The following MAGI2 variants were observed in gnomAD, a reference collection of about 807,000 sequenced individuals.
The protein encoded by MAGI2 is membrane-associated guanylate kinase, WW and PDZ domain-containing protein 2.
Under a neutral mutation model 133.3 loss-of-function variants are expected in MAGI2, and 35 were observed. The ratio of observed to expected loss-of-function variants is 0.26; its 90% CI spans 0.20 to 0.35. The LOEUF is 0.35. Among genes scored for constraint, MAGI2 ranks in the 10% least tolerant of loss-of-function variants. The pLI is 1.00. For missense variants in MAGI2, 1,636 were observed against 1,863.4 expected (o/e 0.88, Z 2.25); for synonymous variants, 729 against 710.6 (o/e 1.03, Z -0.41).
chr7:78,022,039 AGG>A (rs1808447306), intron 21 of MAGI2, among the ~76,000 whole-genome samples: 1 of 152,210 alleles, frequency 6.6e-6, no homozygotes, highest in Non-Finnish European at 1.5e-5. Flanking sequence ...AGTCATTTCC[AGG>A]TGCTGTGATT....
intron 4 of MAGI2, among the ~76,000 whole-genome samples, chr7:78,520,864 T>C (rs1796435879): frequency 2.0e-5 from 3 of 152,172 alleles, no homozygotes; most frequent in Admixed American, 1.3e-4. Flanking sequence ...TGTATAAAGA[T>C]ACATTCTTCA....
At chr7:78,673,022 G>T (rs919757864) in intron 2 of MAGI2, among the ~76,000 whole-genome samples, 1 of 152,154 alleles carries the variant, frequency 6.6e-6, no homozygotes, top group Non-Finnish European at 1.5e-5. Context: ...AACATCTATT[G>T]TCAATACTCA....
At chr7:78,422,398 G>A (rs1025658109) in intron 6 of MAGI2, among the ~76,000 whole-genome samples, 3 of 152,058 alleles carry the variant, frequency 2.0e-5, no homozygotes, top group Non-Finnish European at 4.4e-5. Flanking sequence ...AAAGGCAATA[G>A]ACCTGATGTT....
At chr7:78,803,070 G>A (rs37877) in intron 2 of MAGI2, among the ~76,000 whole-genome samples, 122,168 of 151,902 alleles carry the variant, frequency 0.8, 50,430 homozygotes, top group East Asian at 0.96. Context: ...ACACATGCAC[G>A]TATTTGCATA....
intron 2 of MAGI2, among the ~76,000 whole-genome samples, chr7:78,900,314 C>G (rs143751412): frequency 6.6e-6 from 1 of 152,116 alleles, no homozygotes; most frequent in African/African-American, 2.4e-5. Flanking sequence ...TTCTTACTCT[C>G]GAAACTCTCC....
At chr7:78,021,890 A>G (rs1808431463) in intron 21 of MAGI2, among the ~76,000 whole-genome samples, 2 of 152,342 alleles carry the variant, frequency 1.3e-5, no homozygotes, top group South Asian at 2.1e-4. Context: ...TTCTAAGGGA[A>G]AGCACTTTGC....
intron 2 of MAGI2, among the ~76,000 whole-genome samples, chr7:78,877,045 T>C (rs923877864): frequency 2.6e-5 from 4 of 152,214 alleles, no homozygotes; most frequent in Admixed American, 2.6e-4. Flanking sequence ...TTTGACTGTT[T>C]TGAGCTCCTC....
intron 2 of MAGI2, among the ~76,000 whole-genome samples, chr7:79,000,808 A>G (rs1329668143): frequency 2.0e-5 from 3 of 152,246 alleles, no homozygotes; most frequent in Non-Finnish European, 4.4e-5. Context: ...GGGCTTAAAT[A>G]TGTAGAAACA....
At chr7:79,411,055 C>T (rs1846105136) in intron 1 of MAGI2, 1 of 152,114 alleles carries the variant, frequency 6.6e-6, no homozygotes, top group Non-Finnish European at 1.5e-5. Flanking sequence ...TACTGAGTCT[C>T]ATTCTATGCC....
chr7:78,211,439 C>T (rs1055194978), intron 10 of MAGI2, among the ~76,000 whole-genome samples: 3 of 152,150 alleles, frequency 2.0e-5, no homozygotes, highest in East Asian at 1.9e-4. Flanking sequence ...CCAGCTCCAC[C>T]TCTCACTAGC....
rs1256141912 is a variant in MAGI2, at chr7:78,057,798, A to AT, written c.3706+21148dup. ...ACTTACATGGTGAGTAAGCAGTGAG[A>AT]TTTTTTTTTTGCCTGGGCATTGCCT... On this transcript the variant is annotated intron_variant, in intron 21 of 21. Transcript: ENST00000354212. 8.7e-3 allele frequency among the ~76,000 whole-genome samples: 1,300 copies of AT among 148,620 alleles called. 10 individuals are homozygous for AT. Among genetic ancestry groups the AT allele is most frequent in the Non-Finnish European group, 0.014 (959 of 66,872 alleles).
chr7:78,096,200 G>A (rs989014435), intron 20 of MAGI2, among the ~76,000 whole-genome samples: 2 of 152,204 alleles, frequency 1.3e-5, no homozygotes, highest in Non-Finnish European at 2.9e-5. Flanking sequence ...ATGTAGCAAT[G>A]GTAGCAATGT....
At chr7:79,022,025 T>A (rs1219520822) in intron 1 of MAGI2, among the ~76,000 whole-genome samples, 1 of 152,194 alleles carries the variant, frequency 6.6e-6, no homozygotes, top group Non-Finnish European at 1.5e-5. Context: ...AGTCATTGTC[T>A]ATCCTGCTGC....
chr7:79,128,501 T>C (rs1003483815), intron 1 of MAGI2, among the ~76,000 whole-genome samples: 3 of 152,228 alleles, frequency 2.0e-5, no homozygotes, highest in African/African-American at 7.2e-5. Context: ...GCTTTTCTTT[T>C]ATATTAACTA....
chr7:79,124,482 T>G (rs1201197497), intron 1 of MAGI2, among the ~76,000 whole-genome samples: 1 of 152,196 alleles, frequency 6.6e-6, no homozygotes, highest in Non-Finnish European at 1.5e-5. Context: ...GGACTTGAAC[T>G]TAGGTCTACT....
intron 2 of MAGI2, among the ~76,000 whole-genome samples, chr7:78,706,944 C>T (rs922345494): frequency 2.0e-5 from 3 of 152,094 alleles, no homozygotes; most frequent in Non-Finnish European, 4.4e-5. Context: ...TGGAGGTACC[C>T]TGGAGAGCAA....
At chr7:78,816,510 A>G (rs908788165) in intron 2 of MAGI2, among the ~76,000 whole-genome samples, 1 of 152,246 alleles carries the variant, frequency 6.6e-6, no homozygotes, top group Non-Finnish European at 1.5e-5. Flanking sequence ...TTCAAAGCTT[A>G]AAGACAGAAT....
intron 1 of MAGI2, among the ~76,000 whole-genome samples, chr7:79,327,764 AAC>A (rs1236964077): frequency 6.6e-6 from 1 of 152,122 alleles, no homozygotes; most frequent in African/African-American, 2.4e-5. Flanking sequence ...GAATTTGTAA[AAC>A]ACAGTCAAAT....
intron 10 of MAGI2, among the ~76,000 whole-genome samples, chr7:78,228,825 T>C (rs1789669838): frequency 6.6e-6 from 1 of 152,236 alleles, no homozygotes; most frequent in South Asian, 2.1e-4. Flanking sequence ...AAAACCTTTG[T>C]AGCTGAGGCC....
Sources: allele counts gnomAD v4.1 joint callset (sites outside exome capture counted in the v4.1 genomes callset), GRCh38; gene constraint gnomAD v4.1.1; transcripts MANE v1.5; gene names NCBI Gene and HGNC (gene_info 2026-07-23, HGNC 2026-07-21).